The following ADCY8 variants were observed in gnomAD, a reference collection of about 807,000 sequenced individuals.
ADCY8 encodes adenylate cyclase type 8.
A neutral mutation model predicts 119.7 loss-of-function variants in ADCY8; 51 were observed. That is an observed-to-expected ratio of 0.43 (90% CI 0.34 to 0.54). The LOEUF is 0.54. Among genes scored for constraint, ADCY8 ranks in the 20% least tolerant of loss-of-function variants. ADCY8 has a pLI of 0.03. For synonymous variants in ADCY8, 665 were observed against 651.0 expected (o/e 1.02, Z -0.33); for missense variants, 1,383 against 1,598.8 (o/e 0.87, Z 2.30).
At chr8:130,931,298 T>C (rs569929090) in intron 5 of ADCY8, among the ~76,000 whole-genome samples, 1 of 152,328 alleles carries the variant, frequency 6.6e-6, no homozygotes, top group Non-Finnish European at 1.5e-5. Context: ...CTGCTGAGGA[T>C]TCTGATGTTA....
chr8:130,862,283 T>C (rs947812357), intron 9 of ADCY8, among the ~76,000 whole-genome samples: 1 of 152,172 alleles, frequency 6.6e-6, no homozygotes, highest in Non-Finnish European at 1.5e-5. Context: ...GAAGCTTAGA[T>C]TGTTATTAAT....
intron 2 of ADCY8, among the ~76,000 whole-genome samples, chr8:130,968,251 G>A (rs1053630335): frequency 2.6e-5 from 4 of 151,700 alleles, no homozygotes; most frequent in Non-Finnish European, 4.4e-5. Flanking sequence ...CTCACTGCAA[G>A]CTCTGCCTTC....
intron 9 of ADCY8, among the ~76,000 whole-genome samples, chr8:130,864,931 G>T (rs951931571): frequency 6.6e-6 from 1 of 151,930 alleles, no homozygotes; most frequent in Non-Finnish European, 1.5e-5. Flanking sequence ...TGTTCATATT[G>T]TATCAGGTAA....
chr8:130,908,806 T>C (rs1344783449), intron 6 of ADCY8, among the ~76,000 whole-genome samples: 1 of 152,156 alleles, frequency 6.6e-6, no homozygotes, highest in Non-Finnish European at 1.5e-5. Context: ...TAATAGAGTT[T>C]AGCAAGGGGC....
intron 9 of ADCY8, among the ~76,000 whole-genome samples, chr8:130,852,225 C>T (rs1211469804): frequency 6.6e-6 from 1 of 152,144 alleles, no homozygotes; most frequent in Non-Finnish European, 1.5e-5. Flanking sequence ...AGTGACTCCT[C>T]CCACAGCCTC....
At chr8:130,974,898 TGTGGCTGTTCAGAAG>T (rs1194697093) in intron 2 of ADCY8, among the ~76,000 whole-genome samples, 2 of 152,224 alleles carry the variant, frequency 1.3e-5, no homozygotes, top group African/African-American at 4.8e-5. Context: ...TCACAAGTTT[TGTGGCTGTTCAGAAG>T]GTGGCTATTG....
intron 2 of ADCY8, among the ~76,000 whole-genome samples, chr8:130,966,191 G>C (rs930058632): frequency 8.5e-5 from 13 of 152,174 alleles, no homozygotes; most frequent in Non-Finnish European, 1.8e-4. Context: ...TTGGATCTCT[G>C]CTTCTCCTGA....
At chr8:130,992,394 TATATATATATATATATATA>T (rs1364956143) in intron 1 of ADCY8, among the ~76,000 whole-genome samples, 1 of 117,808 alleles carries the variant, frequency 8.5e-6, no homozygotes. Context: ...TATATATATA[TATATATATATATATATATA>T]TATATATATA....
At chr8:130,921,268 C>T (rs1820292881) in intron 5 of ADCY8, among the ~76,000 whole-genome samples, 1 of 151,934 alleles carries the variant, frequency 6.6e-6, no homozygotes, top group South Asian at 2.1e-4. Context: ...GGTTCCCATT[C>T]CAGCAGGGGT....
chr8:131,034,303 T>C (rs1387283754), intron 1 of ADCY8, among the ~76,000 whole-genome samples: 1 of 152,078 alleles, frequency 6.6e-6, no homozygotes, highest in African/African-American at 2.4e-5. Flanking sequence ...GGGAGAGAAG[T>C]TGGTAATTTT....
At chr8:130,987,206 A>G (rs867986112) in intron 2 of ADCY8, among the ~76,000 whole-genome samples, 14 of 152,120 alleles carry the variant, frequency 9.2e-5, no homozygotes, top group African/African-American at 3.1e-4. Context: ...TGTACCCTTT[A>G]CTGCTTCTCC....
At chr8:130,934,577 C>T (rs1312064796) in intron 5 of ADCY8, among the ~76,000 whole-genome samples, 1 of 152,142 alleles carries the variant, frequency 6.6e-6, no homozygotes, top group East Asian at 1.9e-4. Flanking sequence ...CCCATTGTCC[C>T]CCTTTACACC....
intron 8 of ADCY8, among the ~76,000 whole-genome samples, chr8:130,871,185 TCTTGA>T (rs1818340850): frequency 6.6e-6 from 1 of 152,216 alleles, no homozygotes; most frequent in African/African-American, 2.4e-5. Flanking sequence ...TTTAACTTCC[TCTTGA>T]CTTGTAAAGG....
chr8:130,799,575 C>A (rs7000229), intron 15 of ADCY8, among the ~76,000 whole-genome samples: 2 of 152,014 alleles, frequency 1.3e-5, no homozygotes, highest in African/African-American at 4.8e-5. Flanking sequence ...TGCATTACTG[C>A]ACCTCCTTTT....
chr8:130,853,956 TATA>T (rs1817624498), intron 9 of ADCY8, among the ~76,000 whole-genome samples: 2 of 152,190 alleles, frequency 1.3e-5, no homozygotes, highest in Non-Finnish European at 2.9e-5. Flanking sequence ...CATAAAGTAG[TATA>T]ATAAAAATTT....
chr8:130,931,204 G>T (rs565683035), intron 5 of ADCY8, among the ~76,000 whole-genome samples: 5 of 152,044 alleles, frequency 3.3e-5, no homozygotes, highest in African/African-American at 1.2e-4. Flanking sequence ...GTTTTGCTAG[G>T]TATAGTATTT....
chr8:131,030,309 T>C (rs1823958552), intron 1 of ADCY8, among the ~76,000 whole-genome samples: 1 of 152,130 alleles, frequency 6.6e-6, no homozygotes, highest in Non-Finnish European at 1.5e-5. Context: ...TGTGATAAGG[T>C]GATGCTCAGA....
chr8:130,808,666 C>T (rs1816060042), intron 14 of ADCY8, among the ~76,000 whole-genome samples: 1 of 152,164 alleles, frequency 6.6e-6, no homozygotes, highest in African/African-American at 2.4e-5. Context: ...AATGAAGCTG[C>T]CTGGCACCGG....
At chr8:130,889,431 T>C (rs1819105877) in intron 7 of ADCY8, among the ~76,000 whole-genome samples, 1 of 152,186 alleles carries the variant, frequency 6.6e-6, no homozygotes. Context: ...ACTTTTAAAC[T>C]CTGCATCTTC....
Sources: allele counts gnomAD v4.1 joint callset (sites outside exome capture counted in the v4.1 genomes callset), GRCh38; gene constraint gnomAD v4.1.1; transcripts MANE v1.5; gene names NCBI Gene and HGNC (gene_info 2026-07-23, HGNC 2026-07-21).